MROH2B: variants seen among roughly 807,000 people sequenced by gnomAD.
MROH2B encodes maestro heat like repeat family member 2B, also known as maestro heat-like repeat-containing protein family member 2B.
Under a neutral mutation model 208.6 loss-of-function variants are expected in MROH2B, and 177 were observed. The observed-to-expected ratio is 0.85, with a 90% CI of 0.75 to 0.96. The LOEUF is 0.96. Ranked by LOEUF, MROH2B falls within the 40% of genes least tolerant of loss-of-function variation. The pLI is 0.00. For missense variants in MROH2B, 2,002 were observed against 1,878.7 expected, an observed-to-expected ratio of 1.07 and a Z score of -1.21; for synonymous variants, 728 against 659.0, an observed-to-expected ratio of 1.10 and a Z score of -1.60.
Position 41,033,781 on chromosome 5 carries a change from TTATCTATC to T in MROH2B, c.2241+49_2241+56del, listed in dbSNP as rs368384200. On this transcript the variant is annotated intron_variant, in intron 22 of 41. Transcript: ENST00000399564. Reference sequence around the variant, plus strand: ...TTGCTTGGCACACTTCAGGGGGGCATTATCTATCTATCTATCTATCTATCTATCTATCT... The same window carrying T: ...TTGCTTGGCACACTTCAGGGGGGCATTATCTATCTATCTATCTATCTATCT... The T allele has an allele frequency of 4.2e-4, 324 of 770,808 alleles. 5 individuals are homozygous for T. Among genetic ancestry groups the T allele is most frequent in the South Asian group, 3.3e-3 (173 of 51,834 alleles). The allele number at this position is 770,808 out of a possible 1,614,324, so 47.7% of individuals were successfully genotyped here.
intron 5 of MROH2B, among the ~76,000 whole-genome samples, chr5:41,063,011 C>T (rs1376778177): frequency 6.6e-6 from 1 of 152,060 alleles, no homozygotes; most frequent in Non-Finnish European, 1.5e-5. Flanking sequence ...GGCTGGATGG[C>T]TGAATGGCTG....
Position 41,007,399 on chromosome 5 carries a change from C to A in MROH2B, c.3664G>T (p.Ala1222Ser). ...TTGTCCCCCTCATCAGATTCCTTTG[C>A]AAGGCCTTCTCTCATGGCTTGGGCT... ...LQAQAMREGL[A>S]KESDEGDNLW... The change falls in exon 34 of 42, where the codon GCA (alanine) becomes TCA (serine). Residue 1222 changes from alanine (A) to serine (S), a missense_variant. Coordinates refer to ENST00000399564, the MANE Select transcript of MROH2B (RefSeq NM_173489.5). The A allele has an allele frequency of 6.4e-7, 1 of 1,565,898 alleles. No homozygotes were observed. Among genetic ancestry groups the A allele is most frequent in the Non-Finnish European group, 8.7e-7 (1 of 1,154,432 alleles).
Position 41,061,592 on chromosome 5 carries a change from G to T in MROH2B, c.593C>A (p.Ala198Asp), listed in dbSNP as rs772188557. 10 of 1,613,204 alleles carry T rather than the reference G, an allele frequency of 6.2e-6. No individual in the cohort carries two copies. The highest frequency in any genetic ancestry group is 1.3e-5 in the African/African-American group (1 of 74,886). The change falls in exon 6 of 42, where the codon GCC becomes GAC. Residue 198 changes from alanine (A) to aspartate (D), a missense_variant. Coordinates refer to ENST00000399564, the MANE Select transcript of MROH2B (RefSeq NM_173489.5). ...MLFWYIMEKW[A>D]PLASPMQTLS... ...CACCTGCATGGGTGAGGCCAAAGGG[G>T]CCCACTTCTCCATTATATACCAGAA...
chr5:40,998,527 G>A (rs1304876430), intron 41 of MROH2B, 85 bp downstream of exon 41: 1 of 1,119,608 alleles, frequency 8.9e-7, no homozygotes. Context: ...CAAGTTCTGG[G>A]CTGACGTGGA....
Position 41,000,844 on chromosome 5 carries a change from G to A in MROH2B, c.4195-11C>T, listed in dbSNP as rs1256586914. ...CACATCATCCTGCTCCTGTGGTGAC[G>A]AATGCATGTCGTGGTGAATATCCTC... On this transcript the variant is annotated splice_polypyrimidine_tract_variant and intron_variant, in intron 37 of 41. Coordinates refer to ENST00000399564, the MANE Select transcript of MROH2B (RefSeq NM_173489.5). The A allele has an allele frequency of 3.7e-6, 6 of 1,604,744 alleles. No individual in the cohort carries two copies. Among genetic ancestry groups the A allele is most frequent in the East Asian group, 2.2e-5 (1 of 44,704 alleles).
intron 13 of MROH2B, 113 bp downstream of exon 13, chr5:41,050,864 G>T: frequency 1.5e-6 from 1 of 688,546 alleles, no homozygotes; most frequent in Non-Finnish European, 2.5e-6. Context: ...TCTAGTCAGA[G>T]CATCAGGAAG....
chr5:41,028,414 T>C (rs908393319), intron 24 of MROH2B, among the ~76,000 whole-genome samples: 4 of 152,198 alleles, frequency 2.6e-5, no homozygotes. Context: ...GACTTATTCA[T>C]CAGACTTACC....
chr5:41,020,846 A>C (rs1742122229), intron 24 of MROH2B, among the ~76,000 whole-genome samples: 1 of 152,218 alleles, frequency 6.6e-6, no homozygotes, highest in Non-Finnish European at 1.5e-5. Flanking sequence ...ATTATATTCA[A>C]TGGTGAAAGG....
chr5:41,025,831 A>G (rs1742338521), intron 24 of MROH2B, among the ~76,000 whole-genome samples: 1 of 152,242 alleles, frequency 6.6e-6, no homozygotes, highest in Admixed American at 6.5e-5. Flanking sequence ...CAAAAAGCTT[A>G]TCCACCATGA....
chr5:41,008,588 T>A lies in MROH2B; in HGVS notation c.3608+18A>T. On this transcript the variant is annotated intron_variant, in intron 33 of 41. Coordinates refer to ENST00000399564, the MANE Select transcript of MROH2B (RefSeq NM_173489.5). ...GATTAGGACCACTGTGGAAGATGCT[T>A]CCTGATTGGCCGTTTACCTGCAGGG... 3 of 1,612,034 alleles carry A rather than the reference T, an allele frequency of 1.9e-6. No homozygotes were observed. The highest frequency in any genetic ancestry group is 2.5e-6 in the Non-Finnish European group (3 of 1,179,070).
chr5:41,070,869 G>C lies in MROH2B; in HGVS notation c.-17C>G, dbSNP rs1226120392. 1 of 1,609,476 alleles carries C rather than the reference G, an allele frequency of 6.2e-7. No homozygotes were observed. The highest frequency in any genetic ancestry group is 1.7e-5 in the Admixed American group (1 of 59,382). ...AAGTGTCATGTCTTGGCTGTTTCAG[G>C]GTCTCTAAAAGATAGCACCTAAGTA... On this transcript the variant is annotated 5_prime_UTR_variant, in exon 1 of 42. Transcript: ENST00000399564.
At position 41,054,782 on chromosome 5, in the gene MROH2B, A is replaced by T; in HGVS notation, c.1092T>A (p.Gly364=). The T allele has an allele frequency of 6.2e-7, 1 of 1,610,568 alleles. No individual in the cohort carries two copies. Among genetic ancestry groups the T allele is most frequent in the Non-Finnish European group, 8.5e-7 (1 of 1,178,142 alleles). ...ATTCTCTTACTTTTGTACTGAGATC[A>T]CCCATGACGATTTTGACTGTTCTTT... The part of the protein sequence containing the change: ...SIERTVKIVM[G]DLSTKVRNSV... The change falls in exon 11 of 42, where the codon GGT becomes GGA. Residue 364 remains glycine (G), a synonymous_variant. Coordinates refer to ENST00000399564, the MANE Select transcript of MROH2B (RefSeq NM_173489.5).
chr5:41,038,655 A>T, intron 21 of MROH2B, 81 bp downstream of exon 21: 1 of 1,401,188 alleles, frequency 7.1e-7, no homozygotes, highest in South Asian at 1.6e-5. Context: ...TGGGAAGGAA[A>T]AAAGCTTCCC....
intron 40 of MROH2B, among the ~76,000 whole-genome samples, 197 bp from the exon 41 acceptor site, chr5:40,998,874 T>C (rs1741296356): frequency 6.6e-6 from 1 of 152,204 alleles, no homozygotes; most frequent in Non-Finnish European, 1.5e-5. Context: ...TGTCTGCAAG[T>C]AGTCACTTAT....
Position 41,042,184 on chromosome 5 carries a change from T to C in MROH2B, c.1861A>G (p.Thr621Ala). The C allele has an allele frequency of 6.3e-7, 1 of 1,578,002 alleles. No homozygotes were observed. The highest frequency in any genetic ancestry group is 8.6e-7 in the Non-Finnish European group (1 of 1,159,516). The change falls in exon 19 of 42, where the codon ACC becomes GCC. Residue 621 changes from threonine (T) to alanine (A), a missense_variant. Thr to Ala is a moderately conservative substitution (Grantham distance 58). Coordinates refer to ENST00000399564, the MANE Select transcript of MROH2B (RefSeq NM_173489.5). The part of the protein sequence containing the change: ...EKKFLWKALG[T>A]TLACCQDSDF... ...GAATCTTGGCAGCATGCTAAGGTGG[T>C]TCCCAAGGCTTTCCAAAGGAATTTC...
At chr5:41,025,177 C>CAGA (rs1381206302) in intron 24 of MROH2B, among the ~76,000 whole-genome samples, 23 of 152,078 alleles carry the variant, frequency 1.5e-4, no homozygotes, top group Non-Finnish European at 5.9e-5. Flanking sequence ...CAAGAAATAA[C>CAGA]TAAGATCAGA....
chr5:41,040,669 A>AT (rs566748241), intron 19 of MROH2B, among the ~76,000 whole-genome samples: 18 of 151,968 alleles, frequency 1.2e-4, no homozygotes, highest in African/African-American at 4.1e-4. Context: ...CACAATTTTT[A>AT]TTTTTTTTAT....
chr5:41,047,817 C>G, intron 16 of MROH2B, 53 bp from the exon 17 acceptor site: 2 of 1,471,996 alleles, frequency 1.4e-6, no homozygotes, highest in Non-Finnish European at 1.9e-6. Context: ...CACCCCAAGA[C>G]TCAAATTCTC....
At chr5:41,040,593 T>A (rs1742913215) in intron 19 of MROH2B, among the ~76,000 whole-genome samples, 1 of 152,224 alleles carries the variant, frequency 6.6e-6, no homozygotes, top group Non-Finnish European at 1.5e-5. Flanking sequence ...GCGACTTGAG[T>A]ATGTAAGACA....
Sources: gnomAD v4.1 joint callset for allele counts (sites outside exome capture counted in the v4.1 genomes callset) on GRCh38, gnomAD v4.1.1 for gene constraint, MANE v1.5 for transcripts, NCBI Gene and HGNC (gene_info 2026-07-23, HGNC 2026-07-21) for gene names.